The following PRELID2 variants were observed in gnomAD, a reference collection of about 807,000 sequenced individuals.
The protein encoded by PRELID2 is PRELI domain containing 2.
A neutral mutation model predicts 28.4 loss-of-function variants in PRELID2; 25 were observed. The ratio of observed to expected loss-of-function variants is 0.88; its 90% CI spans 0.64 to 1.23. The LOEUF (loss-of-function observed/expected upper bound fraction) is 1.23, where lower values mean the gene tolerates loss of function less well. Among genes scored for constraint, PRELID2 ranks in the 50% most tolerant of loss-of-function variants. The pLI is 0.00. For synonymous variants in PRELID2, 76 were observed against 71.6 expected (o/e 1.06, Z -0.31); for missense variants, 201 against 214.4 (o/e 0.94, Z 0.39).
chr5:145,265,374 G>A, the PRELID2 span, among the ~76,000 whole-genome samples: 1 of 152,184 alleles, frequency 6.6e-6, no homozygotes, highest in Non-Finnish European at 1.5e-5. Flanking sequence ...AATTAACATT[G>A]TGAAAATGAC....
At chr5:145,784,259 AG>A (rs373338033) in intron 5 of PRELID2, among the ~76,000 whole-genome samples, 14 of 152,018 alleles carry the variant, frequency 9.2e-5, no homozygotes, top group African/African-American at 3.4e-4. Flanking sequence ...AGAAAAGAAA[AG>A]AAAAAAAATT....
chr5:145,787,178 C>A (rs948727475), intron 5 of PRELID2, among the ~76,000 whole-genome samples: 2 of 152,128 alleles, frequency 1.3e-5, no homozygotes, highest in Non-Finnish European at 2.9e-5. Flanking sequence ...CACGTCTATG[C>A]GATTGCATAA....
chr5:145,278,098 T>C, the PRELID2 span, among the ~76,000 whole-genome samples: 10 of 152,108 alleles, frequency 6.6e-5, no homozygotes, highest in Non-Finnish European at 1.3e-4. Context: ...TCGTTGGCAA[T>C]CTGAAGCCCA....
chr5:145,724,205 G>A (rs985877120), intron 1 of PRELID2, among the ~76,000 whole-genome samples: 5 of 151,970 alleles, frequency 3.3e-5, no homozygotes, highest in South Asian at 2.1e-4. Context: ...CTTCAGTAAC[G>A]GTATAAATTG....
intron 2 of PRELID2, 112 bp downstream of exon 2, chr5:145,822,965 T>C: frequency 1.8e-6 from 1 of 561,108 alleles, no homozygotes; most frequent in Non-Finnish European, 3.2e-6. Flanking sequence ...AAACTGCAGG[T>C]GAACAATTTT....
chr5:145,469,736 C>T (rs1752034559), downstream of PRELID2, among the ~76,000 whole-genome samples: 1 of 152,052 alleles, frequency 6.6e-6, no homozygotes, highest in Admixed American at 6.6e-5. Flanking sequence ...GTGTTTTTCT[C>T]TTTAGGGACT....
intron 1 of PRELID2, among the ~76,000 whole-genome samples, chr5:145,476,366 C>A (rs1752101128): frequency 6.6e-6 from 1 of 152,150 alleles, no homozygotes; most frequent in Non-Finnish European, 1.5e-5. Context: ...TGTTCCAGGC[C>A]AGGAGTGGTG....
intron 1 of PRELID2, among the ~76,000 whole-genome samples, chr5:145,503,227 T>G (rs139847800): frequency 1.4e-3 from 214 of 152,260 alleles, no homozygotes; most frequent in African/African-American, 4.9e-3. Context: ...TCGCTGTGGT[T>G]CTGTCTACTT....
chr5:145,232,725 G>T, the PRELID2 span, among the ~76,000 whole-genome samples: 1 of 152,040 alleles, frequency 6.6e-6, no homozygotes, highest in Non-Finnish European at 1.5e-5. Flanking sequence ...AAATTCATGT[G>T]ACTCAGAAGT....
chr5:145,229,420 A>G, the PRELID2 span: 1 of 766,410 alleles, frequency 1.3e-6, no homozygotes, highest in Non-Finnish European at 2.3e-6. Context: ...CCAAGAACCA[A>G]GTGCCTCCAG....
intron 1 of PRELID2, among the ~76,000 whole-genome samples, chr5:145,531,944 G>T (rs1447903628): frequency 6.6e-6 from 1 of 152,122 alleles, no homozygotes; most frequent in Admixed American, 6.6e-5. Context: ...TCTTTAAGTT[G>T]GTTTGCTCCT....
chr5:145,253,345 T>C, the PRELID2 span, among the ~76,000 whole-genome samples: 1 of 152,154 alleles, frequency 6.6e-6, no homozygotes, highest in African/African-American at 2.4e-5. Flanking sequence ...CAATATTATC[T>C]TATTTGATTT....
At chr5:145,291,067 C>T in the PRELID2 span, among the ~76,000 whole-genome samples, 22 of 151,658 alleles carry the variant, frequency 1.5e-4, no homozygotes, top group South Asian at 4.2e-4. Context: ...GGGTCGGACG[C>T]GGTGGCTCAC....
At chr5:145,344,619 A>T in the PRELID2 span, among the ~76,000 whole-genome samples, 1 of 152,052 alleles carries the variant, frequency 6.6e-6, no homozygotes, top group Non-Finnish European at 1.5e-5. Context: ...ATTTTATGAA[A>T]CTGTATACAT....
the PRELID2 span, among the ~76,000 whole-genome samples, chr5:145,422,992 T>C: frequency 1.3e-5 from 2 of 148,196 alleles, no homozygotes; most frequent in African/African-American, 5.0e-5. Flanking sequence ...CCTTCACTTA[T>C]GAAGCTTAGT....
At chr5:145,828,213 C>A (rs1171359239) in intron 1 of PRELID2, among the ~76,000 whole-genome samples, 1 of 152,034 alleles carries the variant, frequency 6.6e-6, no homozygotes, top group Non-Finnish European at 1.5e-5. Flanking sequence ...TAAATACTTA[C>A]CTCAAAGAGT....
intron 1 of PRELID2, among the ~76,000 whole-genome samples, chr5:145,676,909 A>C (rs903026824): frequency 2.0e-5 from 3 of 152,158 alleles, no homozygotes; most frequent in African/African-American, 7.2e-5. Flanking sequence ...AATAAGTTGC[A>C]AAGAAAGAAA....
the PRELID2 span, among the ~76,000 whole-genome samples, chr5:145,419,632 C>T: frequency 3.3e-5 from 5 of 151,018 alleles, no homozygotes; most frequent in Middle Eastern, 3.4e-3. Flanking sequence ...GGATATTAGC[C>T]CTTTGTCAGA....
the PRELID2 span, among the ~76,000 whole-genome samples, chr5:145,440,011 A>G: frequency 6.6e-6 from 1 of 152,036 alleles, no homozygotes; most frequent in Non-Finnish European, 1.5e-5. Context: ...TCTTCCAGGG[A>G]AACCTCTATC....
Sources: allele counts gnomAD v4.1 joint callset (sites outside exome capture counted in the v4.1 genomes callset), GRCh38; gene constraint gnomAD v4.1.1; transcripts MANE v1.5; gene names NCBI Gene and HGNC (gene_info 2026-07-23, HGNC 2026-07-21).